The following PAPSS2 variants were observed in gnomAD, a reference collection of about 807,000 sequenced individuals.
PAPSS2 encodes the protein bifunctional 3'-phosphoadenosine 5'-phosphosulfate synthase 2.
In PAPSS2, 61 loss-of-function variants were observed where a neutral mutation model predicts 66.5. That is an observed-to-expected ratio of 0.92 (90% confidence interval 0.75 to 1.14). The LOEUF (loss-of-function observed/expected upper bound fraction) is 1.14. PAPSS2 is among the 50% of genes most tolerant of loss of function. The probability of loss-of-function intolerance (pLI) is 0.00; values close to 1 mark genes in which losing one functional copy is unlikely to be tolerated. For missense variants in PAPSS2, 708 were observed against 789.6 expected (o/e 0.90, Z 1.24); for synonymous variants, 289 against 287.5 (o/e 1.01, Z -0.05).
rs58714564 is a variant in PAPSS2 at position 87,699,212 on chromosome 10, GT to G, written c.28-9983del. On this transcript the variant is annotated intron_variant, in intron 1 of 12. Transcript: ENST00000456849. ...GGACTATACTTTAAAGATTATCAGT[GT>G]AGAGCTCACTGCATTTCATTATATA... is the stretch of plus-strand genomic sequence containing the variant. Among the ~76,000 whole-genome samples the G allele has an allele frequency of 6.4e-3, 976 of 152,294 alleles. 13 individuals carry two copies. The highest frequency in any genetic ancestry group is 0.023 in the African/African-American group (948 of 41,556).
rs150079044 is a variant in PAPSS2 at position 87,706,108 on chromosome 10, ATGTG to A, written c.28-3058_28-3055del. ...GGTATATATATATATATATATATAT[ATGTG>A]TGTGTGTGTGTGTGTGTGTGTGTGT... is the stretch of plus-strand genomic sequence containing the variant. On this transcript the variant is annotated intron_variant, in intron 1 of 12. Transcript: ENST00000456849. Among the ~76,000 whole-genome samples, 73 of 51,998 alleles carry A rather than the reference ATGTG, an allele frequency of 1.4e-3. 4 individuals carry two copies. Among genetic ancestry groups the A allele is most frequent in the Middle Eastern group, 0.016 (2 of 126 alleles). 34.1% of individuals were successfully genotyped at this position (51,998 alleles called of 152,430 possible). A position where few individuals can be genotyped will look rare whatever the true frequency, so the allele number is the denominator to read the frequency against.
chr10:87,688,301 C>A (rs1027219488), intron 1 of PAPSS2, among the ~76,000 whole-genome samples: 1 of 151,692 alleles, frequency 6.6e-6, no homozygotes, highest in South Asian at 2.1e-4. Flanking sequence ...AATGATAAAA[C>A]ACACCTGTAA....
intron 8 of PAPSS2, among the ~76,000 whole-genome samples, chr10:87,725,707 G>GT (rs1374792641): frequency 1.3e-5 from 2 of 151,968 alleles, no homozygotes; most frequent in African/African-American, 2.4e-5. Context: ...GTTTTGTTTT[G>GT]TTTTTTGAGA....
rs1363149361 is a variant in PAPSS2 at position 87,714,097 on chromosome 10, A to T, written c.435A>T (p.Glu145Asp). The T allele has an allele frequency of 6.2e-7, 1 of 1,613,904 alleles. No homozygotes were observed. The highest frequency in any genetic ancestry group is 1.3e-5 in the African/African-American group (1 of 74,908). ...AATCAGCAGGGCTGCCATTCTTTGA[A>T]ATATTTGTAGATGCACCTCTAAATA... is the stretch of plus-strand genomic sequence containing the variant. ...IHESAGLPFF[E>D]IFVDAPLNIC... is the part of the protein sequence containing the mutation. The change falls in exon 4 of 13, where the codon GAA becomes GAT. Residue 145 changes from glutamate to aspartate, a missense_variant. Coordinates refer to ENST00000456849, the MANE Select transcript of PAPSS2 (RefSeq NM_001015880.2).
chr10:87,727,621 G>T, intron 9 of PAPSS2, 132 bp downstream of exon 9: 1 of 811,802 alleles, frequency 1.2e-6, no homozygotes. Flanking sequence ...CTAAGGTAGT[G>T]TTTGCAGGCT....
At chr10:87,742,531 T>C (rs563003511) in intron 10 of PAPSS2, among the ~76,000 whole-genome samples, 1 of 152,342 alleles carries the variant, frequency 6.6e-6, no homozygotes, top group African/African-American at 2.4e-5. Flanking sequence ...TTCATTATAA[T>C]ATTGAAAGTA....
chr10:87,741,158 G>A, intron 9 of PAPSS2, 77 bp from the exon 10 acceptor site: 2 of 1,433,110 alleles, frequency 1.4e-6, no homozygotes, highest in Non-Finnish European at 2.0e-6. Context: ...CCCGAGATTG[G>A]TCTAAAAGGA....
intron 1 of PAPSS2, among the ~76,000 whole-genome samples, chr10:87,708,154 G>A (rs1853416145): frequency 6.6e-6 from 1 of 152,024 alleles, no homozygotes; most frequent in Admixed American, 6.6e-5. Flanking sequence ...TTATTCATCA[G>A]ACTTGTACCT....
intron 7 of PAPSS2, among the ~76,000 whole-genome samples, chr10:87,720,289 T>A: frequency 6.6e-6 from 1 of 151,758 alleles, no homozygotes; most frequent in African/African-American, 2.4e-5. Flanking sequence ...TAGAAGGGAG[T>A]AGGGGCTTGG....
chr10:87,660,335 A>G, intron 1 of PAPSS2: 1 of 518,570 alleles, frequency 1.9e-6, no homozygotes, highest in Non-Finnish European at 3.5e-6. Flanking sequence ...TTCTTTCCCA[A>G]GAGCTCTTCC....
At chr10:87,742,883 A>G (rs531341287) in intron 10 of PAPSS2, among the ~76,000 whole-genome samples, 2 of 152,300 alleles carry the variant, frequency 1.3e-5, no homozygotes, top group South Asian at 4.1e-4. Context: ...TGTCTCAGCT[A>G]TCTGGTGTTG....
At chr10:87,710,249 C>T (rs1024130989) in intron 2 of PAPSS2, among the ~76,000 whole-genome samples, 3 of 152,176 alleles carry the variant, frequency 2.0e-5, no homozygotes, top group Non-Finnish European at 4.4e-5. Flanking sequence ...CCCAACTGGC[C>T]TCATTCTTGT....
At position 87,746,704 on chromosome 10, in the gene PAPSS2, C is replaced by T. The variant is rs887249970; in HGVS notation, c.*734C>T. 2 of 152,140 alleles carry T rather than the reference C, an allele frequency of 1.3e-5. No homozygotes were observed. The highest frequency in any genetic ancestry group is 2.4e-5 in the African/African-American group (1 of 41,436). The allele number at this position is 152,140 out of a possible 1,614,324, so 9.4% of individuals were successfully genotyped here. ...AGCATACAGTGATTTGATGAAAGGA[C>T]GTCAAACAATGTGGCGATGTCGTGG... On this transcript the variant is annotated 3_prime_UTR_variant, in exon 13 of 13. Coordinates refer to ENST00000456849, the MANE Select transcript of PAPSS2 (RefSeq NM_001015880.2).
At chr10:87,670,819 G>C (rs967365313) in intron 1 of PAPSS2, among the ~76,000 whole-genome samples, 4 of 152,048 alleles carry the variant, frequency 2.6e-5, no homozygotes, top group East Asian at 1.9e-4. Flanking sequence ...GAAAAATCTG[G>C]GTCATCAAAA....
At chr10:87,689,340 C>G (rs958264426) in intron 1 of PAPSS2, among the ~76,000 whole-genome samples, 1 of 98,588 alleles carries the variant, frequency 1.0e-5, no homozygotes, top group African/African-American at 4.1e-5. Context: ...AACTCCATCT[C>G]AAAAAAAAAA....
At chr10:87,676,227 G>T (rs971692959) in intron 1 of PAPSS2, among the ~76,000 whole-genome samples, 1 of 151,910 alleles carries the variant, frequency 6.6e-6, no homozygotes, top group Non-Finnish European at 1.5e-5. Context: ...AAATTTGCCC[G>T]ATTCCCATAT....
intron 1 of PAPSS2, among the ~76,000 whole-genome samples, chr10:87,662,791 T>C (rs1852768681): frequency 2.0e-5 from 3 of 152,178 alleles, no homozygotes; most frequent in Admixed American, 1.3e-4. Flanking sequence ...GGAAAACAAT[T>C]GGAAAGGAGT....
At position 87,713,312 on chromosome 10, in the gene PAPSS2, T is replaced by TAAAAGAAAAAAA. The variant is rs1853487790; in HGVS notation, c.381+6_381+7insGAAAAAAAAAAA. 1 of 401,198 alleles carries TAAAAGAAAAAAA rather than the reference T, an allele frequency of 2.5e-6. No homozygotes were observed. The highest frequency in any genetic ancestry group is 3.7e-6 in the Non-Finnish European group (1 of 273,472). The allele number at this position is 401,198 out of a possible 1,614,324, so 24.9% of individuals were successfully genotyped here. A position where few individuals can be genotyped will look rare whatever the true frequency, so the allele number is the denominator to read the frequency against. On this transcript the variant is annotated splice_region_variant and intron_variant, in intron 3 of 12. Coordinates refer to ENST00000456849, the MANE Select transcript of PAPSS2 (RefSeq NM_001015880.2). ...AGCTTTATTTCTCCATTCGCAAAGG[T>TAAAAGAAAAAAA]AAAAAAAAAAAAAAAAAAAAAAGGC...
chr10:87,706,138 GTGTATA>G (rs1409377515), intron 1 of PAPSS2, among the ~76,000 whole-genome samples: 12 of 125,278 alleles, frequency 9.6e-5, no homozygotes, highest in South Asian at 9.3e-4. Flanking sequence ...GTGTGTGTGT[GTGTATA>G]TATATACCCT....
Sources: allele counts gnomAD v4.1 joint callset (sites outside exome capture counted in the v4.1 genomes callset), GRCh38; gene constraint gnomAD v4.1.1; transcripts MANE v1.5; gene names NCBI Gene and HGNC (gene_info 2026-07-23, HGNC 2026-07-21).